Variants in CDK14 observed in about 807,000 individuals in gnomAD.
CDK14 encodes the protein cyclin-dependent kinase 14.
CDK14 carries 34 observed loss-of-function variants against 60.7 expected under a neutral mutation model. The observed-to-expected ratio is 0.56, with a 90% CI of 0.43 to 0.75. The LOEUF is 0.75. Among genes scored for constraint, CDK14 ranks in the 30% least tolerant of loss-of-function variants. CDK14 has a pLI of 0.00. For synonymous variants in CDK14, 197 were observed against 203.7 expected, an observed-to-expected ratio of 0.97 and a Z score of 0.28; for missense variants, 482 against 564.1, an observed-to-expected ratio of 0.85 and a Z score of 1.47.
intron 14 of CDK14, among the ~76,000 whole-genome samples, chr7:91,194,815 G>A (rs1225667829): frequency 6.6e-6 from 1 of 152,152 alleles, no homozygotes; most frequent in Admixed American, 6.5e-5. Flanking sequence ...GGGAGATTCT[G>A]GTTTGGGGTA....
chr7:90,632,336 G>T, intron 2 of CDK14: 1 of 326,212 alleles, frequency 3.1e-6, no homozygotes, highest in South Asian at 2.9e-5. Context: ...AGGATCTTTT[G>T]GTTGGGATTT....
chr7:91,184,199 C>T (rs1410102478), intron 14 of CDK14, among the ~76,000 whole-genome samples: 3 of 2,060 alleles, frequency 1.5e-3, no homozygotes, highest in African/African-American at 5.5e-3. Flanking sequence ...AGTGAGGCTC[C>T]GTCTTAAAAA....
At chr7:90,669,472 A>G (rs1801055482) in intron 2 of CDK14, among the ~76,000 whole-genome samples, 1 of 152,194 alleles carries the variant, frequency 6.6e-6, no homozygotes, top group Admixed American at 6.5e-5. Flanking sequence ...CACAGACCCA[A>G]AAAGGGTCAT....
intron 10 of CDK14, among the ~76,000 whole-genome samples, chr7:91,008,412 C>G (rs937574419): frequency 6.6e-6 from 1 of 152,134 alleles, no homozygotes; most frequent in Non-Finnish European, 1.5e-5. Flanking sequence ...CAAATGTAAA[C>G]TTTCTTAAAT....
intron 14 of CDK14, among the ~76,000 whole-genome samples, chr7:91,201,190 TA>T (rs1325242344): frequency 6.6e-6 from 1 of 152,228 alleles, no homozygotes; most frequent in East Asian, 1.9e-4. Context: ...AAATTATAAT[TA>T]TTTTTTTCTT....
rs767194171 is a variant in CDK14 at position 90,747,697 on chromosome 7, T to A, written c.386T>A (p.Phe129Tyr). The stretch of plus-strand genomic sequence containing the variant: ...CATTTTTAGCCAACAAGTCCCAAAT[T>A]TGGAAAAGCTGACTCATATGAAAAG... The part of the protein sequence containing the change: ...SSPSSPTSPK[F>Y]GKADSYEKLE... The change falls in exon 4 of 15, where the codon TTT (phenylalanine) becomes TAT (tyrosine). Residue 129 changes from phenylalanine to tyrosine, a missense_variant. Transcript: ENST00000380050. 1.9e-6 allele frequency: 3 copies of A among 1,597,206 alleles called. No homozygotes were observed. Among genetic ancestry groups the A allele is most frequent in the Non-Finnish European group, 2.6e-6 (3 of 1,173,806 alleles).
At chr7:90,741,574 A>C (rs186617833) in intron 3 of CDK14, among the ~76,000 whole-genome samples, 1 of 152,220 alleles carries the variant, frequency 6.6e-6, no homozygotes. Context: ...TGTTTTCTAC[A>C]ATCTCTGTGG....
At chr7:91,147,141 G>GTCTCTCTCTCTCTCTCTCTC (rs150638262) in intron 14 of CDK14, among the ~76,000 whole-genome samples, 8 of 79,208 alleles carry the variant, frequency 1.0e-4, no homozygotes, top group South Asian at 9.9e-4. Flanking sequence ...ACCTCTCTCT[G>GTCTCTCTCTCTCTCTCTCTC]TCTCTCTCTC....
chr7:91,005,617 C>T (rs1390344870), intron 10 of CDK14, among the ~76,000 whole-genome samples: 1 of 152,188 alleles, frequency 6.6e-6, no homozygotes, highest in Non-Finnish European at 1.5e-5. Flanking sequence ...CTAGTCCAAG[C>T]AAGATGACAG....
chr7:90,603,569 A>C (rs1221688941), intron 1 of CDK14, among the ~76,000 whole-genome samples: 1 of 152,216 alleles, frequency 6.6e-6, no homozygotes, highest in Admixed American at 6.5e-5. Context: ...CTAAGGGTGC[A>C]TTTCTGAGAA....
At chr7:90,896,966 G>A (rs573369373) in intron 6 of CDK14, among the ~76,000 whole-genome samples, 1 of 152,128 alleles carries the variant, frequency 6.6e-6, no homozygotes, top group South Asian at 2.1e-4. Flanking sequence ...AGTTTATTGG[G>A]CATGCTATTT....
At chr7:90,790,522 C>T (rs1316777612) in intron 4 of CDK14, 51 bp from the exon 5 acceptor site, 2 of 1,209,458 alleles carry the variant, frequency 1.7e-6, no homozygotes, top group Non-Finnish European at 1.2e-6. Flanking sequence ...ACAATTAGAA[C>T]TATAATGGGC....
At chr7:91,060,013 T>G (rs1230845215) in intron 11 of CDK14, among the ~76,000 whole-genome samples, 1 of 152,158 alleles carries the variant, frequency 6.6e-6, no homozygotes, top group African/African-American at 2.4e-5. Context: ...GGTGCTAAAG[T>G]CTCCCATTAT....
intron 4 of CDK14, among the ~76,000 whole-genome samples, chr7:90,787,803 G>A (rs1046053461): frequency 6.6e-6 from 1 of 152,096 alleles, no homozygotes; most frequent in African/African-American, 2.4e-5. Context: ...TCAATTCATG[G>A]AGAATTCAGA....
At chr7:91,117,336 G>A (rs1799639381) in intron 13 of CDK14, among the ~76,000 whole-genome samples, 1 of 151,596 alleles carries the variant, frequency 6.6e-6, no homozygotes, top group African/African-American at 2.4e-5. Flanking sequence ...GCTGCCCTCA[G>A]TCACTCACCA....
intron 4 of CDK14, among the ~76,000 whole-genome samples, chr7:90,773,864 C>CTCCTG (rs1804891854): frequency 8.7e-6 from 1 of 114,764 alleles, no homozygotes; most frequent in Non-Finnish European, 1.8e-5. Flanking sequence ...CTCCTCTCCT[C>CTCCTG]TCCTCTCCTC....
intron 9 of CDK14, 108 bp downstream of exon 9, chr7:90,955,925 G>A (rs553750658): frequency 2.8e-5 from 36 of 1,285,570 alleles, no homozygotes; most frequent in African/African-American, 4.4e-5. Context: ...GTGCAGGAGT[G>A]TTTGCCTGCA....
intron 5 of CDK14, among the ~76,000 whole-genome samples, chr7:90,819,195 C>A (rs1176916956): frequency 6.6e-6 from 1 of 152,074 alleles, no homozygotes; most frequent in Non-Finnish European, 1.5e-5. Flanking sequence ...AATGCAAAAG[C>A]AGATTTGAGA....
At chr7:90,652,516 G>A (rs1800665499) in intron 2 of CDK14, among the ~76,000 whole-genome samples, 2 of 152,214 alleles carry the variant, frequency 1.3e-5, no homozygotes. Context: ...TAGCAAAGGA[G>A]TAAAATGACT....
Sources: gnomAD v4.1 joint callset for allele counts (sites outside exome capture counted in the v4.1 genomes callset) on GRCh38, gnomAD v4.1.1 for gene constraint, MANE v1.5 for transcripts, NCBI Gene and HGNC (gene_info 2026-07-23, HGNC 2026-07-21) for gene names.